LRRTM4: variants seen among roughly 807,000 people sequenced by gnomAD.
LRRTM4 encodes leucine-rich repeat transmembrane neuronal protein 4.
A neutral mutation model predicts 47.6 loss-of-function variants in LRRTM4; 25 were observed. The ratio of observed to expected loss-of-function variants is 0.53; its 90% CI spans 0.38 to 0.73. The LOEUF is 0.73. Ranked by LOEUF, LRRTM4 falls within the 30% of genes least tolerant of loss-of-function variation. LRRTM4 has a pLI of 0.00. For missense variants in LRRTM4, 638 were observed against 713.4 expected (o/e 0.89, Z 1.20); for synonymous variants, 311 against 269.5 (o/e 1.15, Z -1.51).
intron 3 of LRRTM4, among the ~76,000 whole-genome samples, chr2:76,846,985 T>C (rs1265018873): frequency 6.6e-6 from 1 of 152,206 alleles, no homozygotes; most frequent in Admixed American, 6.5e-5. Context: ...GGTTTAGAGA[T>C]CTTCTGAGGA....
intron 3 of LRRTM4, among the ~76,000 whole-genome samples, chr2:77,383,157 G>C (rs989786334): frequency 6.6e-6 from 1 of 152,044 alleles, no homozygotes; most frequent in African/African-American, 2.4e-5. Context: ...AAATGGTTGA[G>C]TAAACTAATA....
rs1026116035 is a variant in LRRTM4, at chr2:76,854,909, T to C, written c.1552-105993A>G. On this transcript the variant is annotated intron_variant, in intron 3 of 3. Transcript: ENST00000409884. ...ACTACATTATGTGATATTTTAGAAG[T>C]TGATAGCCTCATTAAAAAAAGAAAG... is the stretch of plus-strand genomic sequence containing the variant. Among the ~76,000 whole-genome samples, 3 of 151,638 alleles carry C rather than the reference T, an allele frequency of 2.0e-5. No individual in the cohort carries two copies. The South Asian group carries it at 6.2e-4, about 32-fold the overall frequency.
intron 3 of LRRTM4, among the ~76,000 whole-genome samples, chr2:76,952,493 C>A (rs1675530001): frequency 6.6e-6 from 1 of 151,928 alleles, no homozygotes; most frequent in Non-Finnish European, 1.5e-5. Flanking sequence ...AGTAAGATAC[C>A]ATCTCACACC....
chr2:77,260,697 A>G (rs543108658), intron 3 of LRRTM4, among the ~76,000 whole-genome samples: 1 of 143,474 alleles, frequency 7.0e-6, no homozygotes, highest in Non-Finnish European at 1.5e-5. Flanking sequence ...CTGTCAAAAC[A>G]TAGCATTTTT....
At chr2:77,293,273 C>T (rs1038277317) in intron 3 of LRRTM4, among the ~76,000 whole-genome samples, 1 of 152,064 alleles carries the variant, frequency 6.6e-6, no homozygotes, top group African/African-American at 2.4e-5. Context: ...TTGTTGAGAA[C>T]TTATTTTATG....
At chr2:77,199,013 AT>A (rs1488216584) in intron 3 of LRRTM4, among the ~76,000 whole-genome samples, 1 of 152,154 alleles carries the variant, frequency 6.6e-6, no homozygotes, top group Non-Finnish European at 1.5e-5. Flanking sequence ...CAACTTCTGA[AT>A]TCCTCTGTGT....
intron 3 of LRRTM4, among the ~76,000 whole-genome samples, chr2:77,305,931 T>C (rs1677258719): frequency 6.6e-6 from 1 of 152,132 alleles, no homozygotes; most frequent in Non-Finnish European, 1.5e-5. Flanking sequence ...AGGATAATAG[T>C]ATGTACATTT....
At chr2:77,071,802 T>C (rs187485035) in intron 3 of LRRTM4, among the ~76,000 whole-genome samples, 3 of 152,320 alleles carry the variant, frequency 2.0e-5, no homozygotes, top group East Asian at 1.9e-4. Context: ...ACAGTATCTG[T>C]TGTTGATAAA....
At chr2:77,504,682 C>T (rs1027895992) in intron 3 of LRRTM4, among the ~76,000 whole-genome samples, 1 of 151,438 alleles carries the variant, frequency 6.6e-6, no homozygotes, top group Non-Finnish European at 1.5e-5. Context: ...CAATTTTATT[C>T]TGTTTATAAG....
chr2:77,008,552 G>T (rs1037699863), intron 3 of LRRTM4, among the ~76,000 whole-genome samples: 2 of 152,244 alleles, frequency 1.3e-5, no homozygotes, highest in Non-Finnish European at 2.9e-5. Flanking sequence ...TAACGTAGGG[G>T]CTGACAGGAT....
intron 3 of LRRTM4, among the ~76,000 whole-genome samples, chr2:77,444,043 T>G (rs985240220): frequency 6.6e-6 from 1 of 152,138 alleles, no homozygotes; most frequent in African/African-American, 2.4e-5. Flanking sequence ...AATGAAGAGA[T>G]CCGTGTGAAG....
chr2:77,275,595 C>T (rs1189790134), intron 3 of LRRTM4, among the ~76,000 whole-genome samples: 1 of 152,088 alleles, frequency 6.6e-6, no homozygotes, highest in Non-Finnish European at 1.5e-5. Context: ...CTTTTTAAAA[C>T]TACTGTGTAT....
intron 3 of LRRTM4, among the ~76,000 whole-genome samples, chr2:76,869,658 T>A (rs1375834924): frequency 6.6e-6 from 1 of 152,150 alleles, no homozygotes; most frequent in Non-Finnish European, 1.5e-5. Context: ...TGATGTAAGT[T>A]AACCTATGCT....
chr2:77,161,180 C>A (rs949494799), intron 3 of LRRTM4, among the ~76,000 whole-genome samples: 11 of 152,244 alleles, frequency 7.2e-5, no homozygotes, highest in African/African-American at 2.2e-4. Context: ...GCCATAGTAA[C>A]CAGCAGTCAC....
At position 77,296,219 on chromosome 2, in the gene LRRTM4, C is replaced by G. The variant is rs1394271124; in HGVS notation, c.1551+222099G>C. Among the ~76,000 whole-genome samples the G allele has an allele frequency of 3.3e-5, 5 of 151,940 alleles. No homozygotes were observed. In the South Asian group the frequency reaches 1.0e-3, roughly 31 times the overall value. ...GAGAAATTATTCCCCAATATTTTCC[C>G]CAACACTAAATATATTTTAACAAGT... On this transcript the variant is annotated intron_variant, in intron 3 of 3. Transcript: ENST00000409884.
intron 3 of LRRTM4, among the ~76,000 whole-genome samples, chr2:77,357,203 G>A (rs925053958): frequency 6.6e-6 from 1 of 151,984 alleles, no homozygotes; most frequent in African/African-American, 2.4e-5. Context: ...TTAGATAATG[G>A]AAGTGAAGGA....
chr2:77,370,375 A>C (rs1018675233), intron 3 of LRRTM4, among the ~76,000 whole-genome samples: 1 of 151,764 alleles, frequency 6.6e-6, no homozygotes, highest in Non-Finnish European at 1.5e-5. Context: ...CAGCATAATA[A>C]CTACTGTCCC....
intron 3 of LRRTM4, among the ~76,000 whole-genome samples, chr2:77,423,359 T>A (rs1042720920): frequency 6.6e-6 from 1 of 151,966 alleles, no homozygotes; most frequent in Non-Finnish European, 1.5e-5. Context: ...GAATATAAGG[T>A]CTCATCATTC....
At chr2:76,994,897 A>T (rs1315547285) in intron 3 of LRRTM4, among the ~76,000 whole-genome samples, 1 of 151,994 alleles carries the variant, frequency 6.6e-6, no homozygotes, top group East Asian at 1.9e-4. Flanking sequence ...ATTTTATGGC[A>T]TTCTATCTAA....
Sources: allele counts gnomAD v4.1 joint callset (sites outside exome capture counted in the v4.1 genomes callset), GRCh38; gene constraint gnomAD v4.1.1; transcripts MANE v1.5; gene names NCBI Gene and HGNC (gene_info 2026-07-23, HGNC 2026-07-21).